FNTB: variants seen among roughly 807,000 people sequenced by gnomAD.
The protein encoded by FNTB is farnesyltransferase, CAAX box, subunit beta.
Under a neutral mutation model 59.4 loss-of-function variants are expected in FNTB, and 27 were observed. That is an observed-to-expected ratio of 0.45 (90% CI 0.34 to 0.63). The LOEUF is 0.63. Ranked by LOEUF, FNTB falls within the 20% of genes least tolerant of loss-of-function variation. The pLI is 0.02. For synonymous variants in FNTB, 230 were observed against 220.7 expected, an observed-to-expected ratio of 1.04 and a Z score of -0.37; for missense variants, 449 against 559.6, an observed-to-expected ratio of 0.80 and a Z score of 1.99.
intron 2 of FNTB, among the ~76,000 whole-genome samples, chr14:65,008,812 A>G (rs992207055): frequency 1.6e-4 from 25 of 152,314 alleles, no homozygotes; most frequent in African/African-American, 6.0e-4. Flanking sequence ...CTCACCCCTC[A>G]TAAGAAATTC....
rs944172230 is a variant in FNTB, at chr14:65,054,469, G to A, written c.1068-106G>A. The A allele has an allele frequency of 7.1e-6, 7 of 982,308 alleles. No homozygotes were observed. The highest frequency in any genetic ancestry group is 2.2e-4 in the Middle Eastern group (1 of 4,462). The allele number at this position is 982,308 out of a possible 1,614,324, so 60.8% of individuals were successfully genotyped here. On this transcript the variant is annotated intron_variant, in intron 10 of 11. Transcript: ENST00000246166. This position sits in a 1 kb window ranked among gnomAD's most constrained non-coding sequence, Gnocchi z 4.4. Reference sequence around the variant, plus strand: ...TGCCTCCTCTAGCCACATGGAGGATGGGGGGGGACGTGTGATTGCACCAGT... The same window carrying A: ...TGCCTCCTCTAGCCACATGGAGGATAGGGGGGGACGTGTGATTGCACCAGT...
chr14:65,060,557 G>A (rs550438618), intron 11 of FNTB, among the ~76,000 whole-genome samples: 4 of 127,210 alleles, frequency 3.1e-5, no homozygotes, highest in Non-Finnish European at 6.1e-5. Context: ...TTAGCCGGGC[G>A]TAGTGGCGGG....
chr14:65,052,477 T>G (rs2062638401), intron 9 of FNTB, among the ~76,000 whole-genome samples: 2 of 152,254 alleles, frequency 1.3e-5, no homozygotes, highest in African/African-American at 4.8e-5. Context: ...TATATATATT[T>G]TTAATCGATT....
At chr14:64,987,338 G>A (rs1656531566) in intron 1 of FNTB, 2 of 577,094 alleles carry the variant, frequency 3.5e-6, no homozygotes, top group Non-Finnish European at 6.2e-6. Context: ...CAGTAGCCGA[G>A]TCCCCTCTGC....
At chr14:65,052,909 G>A (rs775375343) in intron 9 of FNTB, among the ~76,000 whole-genome samples, 10 of 152,186 alleles carry the variant, frequency 6.6e-5, no homozygotes, top group African/African-American at 2.2e-4. Context: ...AGCAGCTACC[G>A]AGGTCAGTCT....
chr14:64,997,982 A>G lies in FNTB; in HGVS notation c.145-6267A>G, dbSNP rs1409251099. On this transcript the variant is annotated intron_variant, in intron 1 of 11. Transcript: ENST00000246166. The surrounding 1 kb of genome is among the most constrained non-coding windows in gnomAD (Gnocchi z 4.5). The stretch of plus-strand genomic sequence containing the variant: ...CCAAAGAAGCCTATCGTGGGAAGAC[A>G]TATTCTGGTCTCCTACAGTCATGTT... Among the ~76,000 whole-genome samples, 3 of 152,224 alleles carry G rather than the reference A, an allele frequency of 2.0e-5. No homozygotes were observed. Among genetic ancestry groups the G allele is most frequent in the Non-Finnish European group, 2.9e-5 (2 of 68,046 alleles).
intron 7 of FNTB, among the ~76,000 whole-genome samples, chr14:65,036,474 C>T (rs1201512381): frequency 6.6e-6 from 1 of 151,992 alleles, no homozygotes; most frequent in Non-Finnish European, 1.5e-5. Flanking sequence ...TGAGCTTAAG[C>T]AATCCGCCTG....
intron 8 of FNTB, among the ~76,000 whole-genome samples, chr14:65,042,562 CT>C (rs886682831): frequency 6.6e-6 from 1 of 152,204 alleles, no homozygotes; most frequent in African/African-American, 2.4e-5. Context: ...TTAAGCTTCA[CT>C]GGCTCACCCA....
rs1370824703 is a variant in FNTB at position 65,062,553 on chromosome 14, T to G, written c.*1241T>G. 6.5e-6 allele frequency: 1 copy of G among 152,706 alleles called. No homozygotes were observed. Among genetic ancestry groups the G allele is most frequent in the Non-Finnish European group, 1.5e-5 (1 of 68,058 alleles). The allele number at this position is 152,706 out of a possible 1,614,324, so 9.5% of individuals were successfully genotyped here. A position where few individuals can be genotyped will look rare whatever the true frequency, so the allele number is the denominator to read the frequency against. The stretch of plus-strand genomic sequence containing the variant: ...AGCTCAGAGATGCAGCATGAGGCGC[T>G]TAGAAAAACCTGGCCATTTGCTGCC... On this transcript the variant is annotated 3_prime_UTR_variant, in exon 12 of 12. Coordinates refer to ENST00000246166, the MANE Select transcript of FNTB (RefSeq NM_002028.4). The surrounding 1 kb of genome is among the most constrained non-coding windows in gnomAD (Gnocchi z 4.3).
chr14:65,054,808 C>G lies in FNTB; in HGVS notation c.1182+119C>G. ...TGTGGACAGGCGGAAGCTTGTGGTCCCTCTGCCCTTCGAGCTGTGCAGCCG... is the reference window on the plus strand; with the variant it reads ...TGTGGACAGGCGGAAGCTTGTGGTCGCTCTGCCCTTCGAGCTGTGCAGCCG... On this transcript the variant is annotated intron_variant, in intron 11 of 11. Transcript: ENST00000246166. This position sits in a 1 kb window ranked among gnomAD's most constrained non-coding sequence, Gnocchi z 4.4. 1 of 1,126,222 alleles carries G rather than the reference C, an allele frequency of 8.9e-7. No individual in the cohort carries two copies. The highest frequency in any genetic ancestry group is 2.6e-5 in the East Asian group (1 of 38,544). The allele number at this position is 1,126,222 out of a possible 1,614,324, so 69.8% of individuals were successfully genotyped here.
intron 2 of FNTB, among the ~76,000 whole-genome samples, chr14:65,010,081 C>T (rs1434886169): frequency 6.6e-6 from 1 of 152,202 alleles, no homozygotes; most frequent in South Asian, 2.1e-4. Flanking sequence ...TTGGAGGTCT[C>T]TAGCCCTTCT....
At chr14:65,017,964 A>G (rs895692702) in intron 4 of FNTB, among the ~76,000 whole-genome samples, 1 of 152,226 alleles carries the variant, frequency 6.6e-6, no homozygotes, top group Non-Finnish European at 1.5e-5. Flanking sequence ...CAAAAAAATA[A>G]ATAAATAAAA....
At chr14:65,018,271 A>C (rs1218655680) in intron 4 of FNTB, among the ~76,000 whole-genome samples, 1 of 152,194 alleles carries the variant, frequency 6.6e-6, no homozygotes, top group Non-Finnish European at 1.5e-5. Flanking sequence ...TTGAGGCTGC[A>C]GTGAGCCATG....
rs1024677841 is a variant in FNTB at position 64,991,672 on chromosome 14, C to G, written c.144+4575C>G. On this transcript the variant is annotated intron_variant, in intron 1 of 11. Transcript: ENST00000246166. The surrounding 1 kb of genome is among the most constrained non-coding windows in gnomAD (Gnocchi z 4.4). ...AGTGCTAAATTATAACTGCTTTGCA[C>G]GAGGATTTTGGGGAGTTGAAAAGCC... 6.6e-6 allele frequency among the ~76,000 whole-genome samples: 1 copy of G among 152,052 alleles called. No individual in the cohort carries two copies. The highest frequency in any genetic ancestry group is 2.4e-5 in the African/African-American group (1 of 41,380).
chr14:65,033,972 C>T (rs1456266616), intron 7 of FNTB, among the ~76,000 whole-genome samples: 2 of 152,068 alleles, frequency 1.3e-5, no homozygotes, highest in African/African-American at 4.8e-5. Context: ...TATGTATTAC[C>T]ATATAAATAT....
chr14:64,999,451 G>A (rs962581044), intron 1 of FNTB, among the ~76,000 whole-genome samples: 1 of 152,060 alleles, frequency 6.6e-6, no homozygotes, highest in Non-Finnish European at 1.5e-5. Context: ...AACAAAGAAA[G>A]TAAATTAGTG....
At chr14:65,040,659 C>A in intron 7 of FNTB, 131 bp from the exon 8 acceptor site, 30 of 614,318 alleles carry the variant, frequency 4.9e-5, no homozygotes, top group Non-Finnish European at 5.2e-5. Context: ...TAGTTGGCAT[C>A]TTTTCATTCA....
chr14:65,035,283 A>G (rs144997159), intron 7 of FNTB, among the ~76,000 whole-genome samples: 70 of 152,218 alleles, frequency 4.6e-4, no homozygotes, highest in Middle Eastern at 3.4e-3. Flanking sequence ...GGGGGAAGGG[A>G]GGGACTAACT....
chr14:64,987,991 A>G (rs1476445912), intron 1 of FNTB, among the ~76,000 whole-genome samples: 1 of 152,198 alleles, frequency 6.6e-6, no homozygotes, highest in Non-Finnish European at 1.5e-5. Flanking sequence ...CTGAAATAAG[A>G]TCTCTTAGTG....
Sources: allele counts gnomAD v4.1 joint callset (sites outside exome capture counted in the v4.1 genomes callset), GRCh38; gene constraint gnomAD v4.1.1; non-coding constraint Gnocchi (gnomAD v3.1); transcripts MANE v1.5; gene names NCBI Gene and HGNC (gene_info 2026-07-23, HGNC 2026-07-21).